The following KRT71 variants were observed in gnomAD, a reference collection of about 807,000 sequenced individuals.
KRT71 encodes the protein keratin, type II cytoskeletal 71.
A neutral mutation model predicts 46.2 loss-of-function variants in KRT71; 42 were observed. That is an observed-to-expected ratio of 0.91 (90% confidence interval 0.71 to 1.18). KRT71 has a LOEUF of 1.18. Among genes scored for constraint, KRT71 ranks in the 50% most tolerant of loss-of-function variants. The probability of loss-of-function intolerance (pLI) is 0.00; values close to 1 mark genes in which losing one functional copy is unlikely to be tolerated. For missense variants in KRT71, 708 were observed against 677.9 expected (o/e 1.04, Z -0.49); for synonymous variants, 292 against 277.8 (o/e 1.05, Z -0.51).
At chr12:52,544,840 T>C in intron 8 of KRT71, 97 bp from the exon 9 acceptor site, 2 of 1,017,696 alleles carry the variant, frequency 2.0e-6, no homozygotes, top group African/African-American at 3.1e-5. Flanking sequence ...AGAAGCTGAG[T>C]GGGGAGGTGC....
rs141532578 is a variant in KRT71 at position 52,545,577 on chromosome 12, G to C, written c.1348C>G (p.Pro450Ala). The C allele has an allele frequency of 1.2e-5, 18 of 1,559,644 alleles. No homozygotes were observed. The African/African-American group carries it at 2.4e-4, about 21-fold the overall frequency. Residue 450 changes from proline (P) to alanine (A), a missense_variant, in exon 8 of 9, where the codon CCT becomes GCT. Coordinates refer to ENST00000267119, the MANE Select transcript of KRT71 (RefSeq NM_033448.3). ...ECRMSGEFPS[P>A]VSISIISSTS... Reference sequence around the variant, plus strand: ...TACAAATACTTACAGATGCTGACAGGGGAGGGAAATTCTCCTGACATCCTA... The same window carrying C: ...TACAAATACTTACAGATGCTGACAGCGGAGGGAAATTCTCCTGACATCCTA...
At chr12:52,548,865 G>T (rs1592205155) in intron 3 of KRT71, 69 bp from the exon 4 acceptor site, 2 of 1,366,514 alleles carry the variant, frequency 1.5e-6, no homozygotes, top group Non-Finnish European at 2.1e-6. Context: ...ATCCCTGCCT[G>T]GGTTCCCTGA....
chr12:52,544,825 C>A, intron 8 of KRT71, 82 bp from the exon 9 acceptor site: 1 of 1,221,398 alleles, frequency 8.2e-7, no homozygotes, highest in Non-Finnish European at 1.2e-6. Flanking sequence ...CAGGGCTTTT[C>A]TTGGAGAAGC....
intron 3 of KRT71, 33 bp from the exon 4 acceptor site, chr12:52,548,829 C>T: frequency 3.1e-6 from 5 of 1,593,232 alleles, no homozygotes; most frequent in East Asian, 2.2e-5. Context: ...CCTGTCACTG[C>T]TGGTACAGCC....
At chr12:52,550,482 T>C (rs538435035) in intron 1 of KRT71, among the ~76,000 whole-genome samples, 105 of 152,334 alleles carry the variant, frequency 6.9e-4, no homozygotes, top group South Asian at 1.5e-3. Context: ...CACATGTCCC[T>C]GTAACCCGTG....
chr12:52,546,562 C>T (rs953318413), intron 6 of KRT71, 56 bp from the exon 7 acceptor site: 57 of 1,546,744 alleles, frequency 3.7e-5, no homozygotes, highest in Non-Finnish European at 4.6e-5. Context: ...CAACCATCCA[C>T]ATCCAATCCC....
intron 2 of KRT71, among the ~76,000 whole-genome samples, chr12:52,549,671 C>T (rs1467403897): frequency 2.0e-5 from 3 of 152,162 alleles, no homozygotes; most frequent in Admixed American, 6.5e-5. Flanking sequence ...AATGACAAAG[C>T]GCTCCAATCT....
intron 6 of KRT71, 113 bp from the exon 7 acceptor site, chr12:52,546,619 A>C: frequency 1.0e-6 from 1 of 960,406 alleles, no homozygotes; most frequent in Non-Finnish European, 1.5e-6. Flanking sequence ...CACCCTACAC[A>C]CACCATCACA....
chr12:52,550,965 G>A (rs996834902), intron 1 of KRT71, among the ~76,000 whole-genome samples: 2 of 152,182 alleles, frequency 1.3e-5, no homozygotes, highest in African/African-American at 4.8e-5. Context: ...GAATAAGGTT[G>A]TCTTCCCCAA....
At chr12:52,550,336 TCTC>T in intron 1 of KRT71, 93 bp from the exon 2 acceptor site, 1 of 1,454,476 alleles carries the variant, frequency 6.9e-7, no homozygotes, top group Non-Finnish European at 9.4e-7. Context: ...ATCTGCATTT[TCTC>T]CTCAATAGAG....
chr12:52,545,481 C>G lies in KRT71; in HGVS notation c.1360+84G>C, dbSNP rs544143346. The G allele has an allele frequency of 3.8e-6, 3 of 783,618 alleles. No individual in the cohort carries two copies. In the Admixed American group the frequency reaches 7.6e-5, roughly 20 times the overall value. 48.5% of individuals were successfully genotyped at this position (783,618 alleles called of 1,614,324 possible). On this transcript the variant is annotated intron_variant, in intron 8 of 8. Transcript: ENST00000267119. Reference sequence around the variant, plus strand: ...TTTTCCCTCTCTGGTTCTTAGATCCCTCATCTGCACACAGAGGGTGTCACT... The same window carrying G: ...TTTTCCCTCTCTGGTTCTTAGATCCGTCATCTGCACACAGAGGGTGTCACT...
Position 52,545,608 on chromosome 12 carries a change from G to A in KRT71, c.1326-9C>T, listed in dbSNP as rs762045608. The A allele has an allele frequency of 1.9e-5, 28 of 1,492,578 alleles. No homozygotes were observed. The highest frequency in any genetic ancestry group is 2.3e-5 in the Non-Finnish European group (25 of 1,077,432). The allele number at this position is 1,492,578 out of a possible 1,614,324, so 92.5% of individuals were successfully genotyped here. ...GAAATTCTCCTGACATCCTATTAAG[G>A]AGAGAAATAAAATAAGAGGAGAAGA... On this transcript the variant is annotated splice_polypyrimidine_tract_variant and intron_variant, in intron 7 of 8. Coordinates refer to ENST00000267119, the MANE Select transcript of KRT71 (RefSeq NM_033448.3).
Position 52,553,058 on chromosome 12 carries a change from C to T in KRT71, c.20G>A (p.Cys7Tyr). The T allele has an allele frequency of 6.3e-7, 1 of 1,582,740 alleles. No homozygotes were observed. The highest frequency in any genetic ancestry group is 8.6e-7 in the Non-Finnish European group (1 of 1,162,906). ...CCCCTTGGCGGCAGCTCCCGACTTG[C>T]AGGTGAATTGGCGGCTCATGTTGCT... Reference protein sequence around the residue: MSRQFTCKSGAAAKGGF... With the variant: MSRQFTYKSGAAAKGGF... Residue 7 changes from cysteine (C) to tyrosine (Y), a missense_variant, in exon 1 of 9, where the codon TGC becomes TAC. Transcript: ENST00000267119.
chr12:52,550,449 T>C (rs1565602575), intron 1 of KRT71, among the ~76,000 whole-genome samples: 2 of 152,198 alleles, frequency 1.3e-5, no homozygotes, highest in South Asian at 2.1e-4. Flanking sequence ...TAAGAAGCGG[T>C]GGAGCCCGGA....
At chr12:52,551,305 G>A (rs1362452659) in intron 1 of KRT71, among the ~76,000 whole-genome samples, 2 of 152,026 alleles carry the variant, frequency 1.3e-5, no homozygotes, top group Non-Finnish European at 2.9e-5. Flanking sequence ...CCTCCCTCTG[G>A]GCAGACCATC....
rs770842668 is a variant in KRT71 at position 52,553,069 on chromosome 12, G to T, written c.9C>A (p.Arg3=). Residue 3 remains arginine, a synonymous_variant, in exon 1 of 9, where the codon CGC becomes CGA. Coordinates refer to ENST00000267119, the MANE Select transcript of KRT71 (RefSeq NM_033448.3). MS[R]QFTCKSGAAA... ...CAGCTCCCGACTTGCAGGTGAATTG[G>T]CGGCTCATGTTGCTGGTGGAGACAA... 8.9e-6 allele frequency: 14 copies of T among 1,576,284 alleles called. No individual in the cohort carries two copies. In the South Asian group the frequency reaches 1.6e-4, roughly 19 times the overall value.
intron 1 of KRT71, among the ~76,000 whole-genome samples, chr12:52,552,243 G>A (rs912357308): frequency 6.6e-6 from 1 of 152,248 alleles, no homozygotes; most frequent in African/African-American, 2.4e-5. Context: ...CTGATCCGCT[G>A]GGCAAGTGAC....
In KRT71 at chr12:52,546,407, G is replaced by GCAGGGCGCCCTC; in HGVS notation, c.1192_1203dup (p.Glu398_Leu401dup). 1 of 1,614,194 alleles carries GCAGGGCGCCCTC rather than the reference G, an allele frequency of 6.2e-7. No individual in the cohort carries two copies. Among genetic ancestry groups the GCAGGGCGCCCTC allele is most frequent in the Non-Finnish European group, 8.5e-7 (1 of 1,180,034 alleles). The stretch of plus-strand genomic sequence containing the variant: ...CGCGCCAGCTCCTCCTTGGCCTGGT[G>GCAGGGCGCCCTC]CAGGGCGCCCTCCAGCTCGTCCAGC... On this transcript the variant is annotated inframe_insertion, in exon 7 of 9. Coordinates refer to ENST00000267119, the MANE Select transcript of KRT71 (RefSeq NM_033448.3).
At chr12:52,551,199 G>A (rs1371565051) in intron 1 of KRT71, among the ~76,000 whole-genome samples, 1 of 152,176 alleles carries the variant, frequency 6.6e-6, no homozygotes, top group African/African-American at 2.4e-5. Context: ...GATGCCGAAA[G>A]GATTTACCCG....
Sources: allele counts gnomAD v4.1 joint callset (sites outside exome capture counted in the v4.1 genomes callset), GRCh38; gene constraint gnomAD v4.1.1; transcripts MANE v1.5; gene names NCBI Gene and HGNC (gene_info 2026-07-23, HGNC 2026-07-21).